MYO1B: variants seen among roughly 807,000 people sequenced by gnomAD.
The protein encoded by MYO1B is unconventional myosin-Ib.
In MYO1B, 72 loss-of-function variants were observed where a neutral mutation model predicts 159.7. The observed-to-expected ratio is 0.45, with a 90% CI of 0.37 to 0.55. MYO1B has a LOEUF of 0.55. Ranked by LOEUF, MYO1B falls within the 20% of genes least tolerant of loss-of-function variation. MYO1B has a pLI of 0.00. For synonymous variants in MYO1B, 468 were observed against 473.8 expected, an observed-to-expected ratio of 0.99 and a Z score of 0.16; for missense variants, 1,062 against 1,364.8, an observed-to-expected ratio of 0.78 and a Z score of 3.50.
rs115073525 is a variant in MYO1B at position 191,400,458 on chromosome 2, A to T, written c.2372A>T (p.His791Leu). 6.2e-7 allele frequency: 1 copy of T among 1,614,060 alleles called. No homozygotes were observed. The highest frequency in any genetic ancestry group is 1.7e-5 in the Admixed American group (1 of 60,010). The change falls in exon 22 of 31, where the codon CAT (histidine) becomes CTT (leucine). Residue 791 changes from histidine (H) to leucine (L), a missense_variant. Physicochemically the swap from His to Leu is moderately conservative, Grantham distance 99 (BLOSUM62 -3). This residue lies in a region of MYO1B where 609 missense variants were observed against 744.4 expected (regional missense o/e 0.82). Coordinates refer to ENST00000392318, the MANE Select transcript of MYO1B (RefSeq NM_001130158.3). ...GTCACGACCATTGCTGCATATTGGC[A>T]TGGGACCCAGGTAGGCCCGAGACCC... ...EAVTTIAAYW[H>L]GTQARRELRR...
intron 17 of MYO1B, among the ~76,000 whole-genome samples, chr2:191,388,494 G>C (rs1282568063): frequency 1.3e-5 from 2 of 152,130 alleles, no homozygotes; most frequent in South Asian, 2.1e-4. Context: ...AGTTGTCTTT[G>C]AAAATGCAGT....
At chr2:191,421,715 A>ACC (rs1439673994) in intron 30 of MYO1B, among the ~76,000 whole-genome samples, 1 of 152,156 alleles carries the variant, frequency 6.6e-6, no homozygotes, top group Non-Finnish European at 1.5e-5. Context: ...GCCTCAAGTT[A>ACC]CCTGCCTGCC....
Position 191,276,901 on chromosome 2 carries a change from CAAAATGGAGGTG to C in MYO1B, c.11_22del (p.Met4_Lys7del). ...CTCTTCTGCAGCTGGAGACCATGGCCAAAATGGAGGTGAAAACCTCACTTCTGGACAATATGA... is the reference window on the plus strand; with the variant it reads ...CTCTTCTGCAGCTGGAGACCATGGCCAAAACCTCACTTCTGGACAATATGA... On this transcript the variant is annotated inframe_deletion, in exon 2 of 31. Coordinates refer to ENST00000392318, the MANE Select transcript of MYO1B (RefSeq NM_001130158.3). 1 of 1,605,290 alleles carries C rather than the reference CAAAATGGAGGTG, an allele frequency of 6.2e-7. No individual in the cohort carries two copies. Among genetic ancestry groups the C allele is most frequent in the Admixed American group, 1.8e-5 (1 of 57,050 alleles).
rs1054549814 is a variant in MYO1B at position 191,300,154 on chromosome 2, CAA to C, written c.251+3930_251+3931del. Among the ~76,000 whole-genome samples, 11 of 152,248 alleles carry C rather than the reference CAA, an allele frequency of 7.2e-5. 1 individual carries two copies. Among genetic ancestry groups the C allele is most frequent in the Admixed American group, 2.0e-4 (3 of 15,294 alleles). ...CCCTACTAAAACAGCCTGGCATTCT[CAA>C]ACAGGATGTTTGTGATGTAAGGGGG... is the stretch of plus-strand genomic sequence containing the variant. On this transcript the variant is annotated intron_variant, in intron 3 of 30. Coordinates refer to ENST00000392318, the MANE Select transcript of MYO1B (RefSeq NM_001130158.3).
chr2:191,315,804 C>A (rs971081111), intron 3 of MYO1B, among the ~76,000 whole-genome samples: 1 of 152,112 alleles, frequency 6.6e-6, no homozygotes, highest in Non-Finnish European at 1.5e-5. Flanking sequence ...TTAGGAAAAG[C>A]GAATCTATAA....
At chr2:191,290,824 TTTC>T (rs1212652521) in intron 2 of MYO1B, among the ~76,000 whole-genome samples, 8 of 152,164 alleles carry the variant, frequency 5.3e-5, no homozygotes, top group African/African-American at 1.9e-4. Flanking sequence ...TAGAAGGACT[TTTC>T]TTTTGTTTCA....
chr2:191,363,685 A>G (rs374294017), intron 9 of MYO1B, 43 bp from the exon 10 acceptor site: 1 of 1,560,950 alleles, frequency 6.4e-7, no homozygotes, highest in South Asian at 1.2e-5. Flanking sequence ...AAAAGAAAAT[A>G]ACTATAAGAA....
intron 1 of MYO1B, among the ~76,000 whole-genome samples, chr2:191,255,510 G>A (rs1686385412): frequency 6.6e-6 from 1 of 152,112 alleles, no homozygotes; most frequent in African/African-American, 2.4e-5. Flanking sequence ...GAACTTTGTA[G>A]GCAATAAAAA....
intron 6 of MYO1B, 45 bp downstream of exon 6, chr2:191,346,327 C>T: frequency 7.4e-7 from 1 of 1,350,310 alleles, no homozygotes; most frequent in Non-Finnish European, 9.9e-7. Context: ...ATATTTAGCT[C>T]ATGTATGTTT....
chr2:191,289,872 TAGA>T (rs904849392), intron 2 of MYO1B, among the ~76,000 whole-genome samples: 25 of 152,236 alleles, frequency 1.6e-4, no homozygotes, highest in African/African-American at 5.3e-4. Flanking sequence ...TCTGACTTTT[TAGA>T]AGAAGTTTTA....
rs1415715241 is a variant in MYO1B, at chr2:191,380,009, G to T, written c.1186-1453G>T. 2.0e-5 allele frequency among the ~76,000 whole-genome samples: 3 copies of T among 152,136 alleles called. No homozygotes were observed. The East Asian group carries it at 5.8e-4, about 29-fold the overall frequency. On this transcript the variant is annotated intron_variant, in intron 13 of 30. Coordinates refer to ENST00000392318, the MANE Select transcript of MYO1B (RefSeq NM_001130158.3). ...ATTGAAAATAAATGTTTGCCTTTTAGTAAGACTCTTCAAGACATAAAACAA... is the reference window on the plus strand; with the variant it reads ...ATTGAAAATAAATGTTTGCCTTTTATTAAGACTCTTCAAGACATAAAACAA...
chr2:191,351,959 G>A (rs532474915), intron 7 of MYO1B, among the ~76,000 whole-genome samples: 116 of 152,290 alleles, frequency 7.6e-4, no homozygotes, highest in African/African-American at 2.7e-3. Flanking sequence ...CATGTGTTCG[G>A]ATTGTCCATA....
At position 191,356,744 on chromosome 2, in the gene MYO1B, C is replaced by A. The variant is rs531514179; in HGVS notation, c.563-3887C>A. Among the ~76,000 whole-genome samples, 84 of 152,252 alleles carry A rather than the reference C, an allele frequency of 5.5e-4. 4 individuals are homozygous for A. In the South Asian group the frequency reaches 0.017, roughly 30 times the overall value. On this transcript the variant is annotated intron_variant, in intron 7 of 30. Coordinates refer to ENST00000392318, the MANE Select transcript of MYO1B (RefSeq NM_001130158.3). ...CATTAATTTTATTTCAGGATTGGGT[C>A]TAGAATTTTAGATTCAGATACATTC...
At chr2:191,314,273 A>G (rs1330124936) in intron 3 of MYO1B, among the ~76,000 whole-genome samples, 2 of 152,156 alleles carry the variant, frequency 1.3e-5, no homozygotes, top group African/African-American at 4.8e-5. Context: ...TTTCTTTCAC[A>G]CTATTGTTCA....
chr2:191,354,084 C>T (rs1693103126), intron 7 of MYO1B, among the ~76,000 whole-genome samples: 1 of 151,854 alleles, frequency 6.6e-6, no homozygotes, highest in Non-Finnish European at 1.5e-5. Flanking sequence ...GGTGAAACCC[C>T]GTCTCTCCTA....
intron 3 of MYO1B, among the ~76,000 whole-genome samples, chr2:191,305,843 A>T (rs1053831103): frequency 9.2e-5 from 14 of 152,130 alleles, no homozygotes; most frequent in African/African-American, 3.4e-4. Context: ...AGGAGATGGG[A>T]TGGAGGACCC....
At position 191,410,986 on chromosome 2, in the gene MYO1B, A is replaced by G. The variant is rs371025645; in HGVS notation, c.2767-80A>G. ...TCTCCCTTATTCTTGTTGCTGATAAATTGTCTTAGCATATTTAAGAATGAG... is the reference window on the plus strand; with the variant it reads ...TCTCCCTTATTCTTGTTGCTGATAAGTTGTCTTAGCATATTTAAGAATGAG... On this transcript the variant is annotated intron_variant, in intron 26 of 30. Coordinates refer to ENST00000392318, the MANE Select transcript of MYO1B (RefSeq NM_001130158.3). The G allele has an allele frequency of 6.5e-5, 50 of 772,102 alleles. 1 individual carries two copies. Among genetic ancestry groups the G allele is most frequent in the Non-Finnish European group, 7.7e-5 (38 of 496,140 alleles). 47.8% of individuals were successfully genotyped at this position (772,102 alleles called of 1,614,324 possible).
chr2:191,303,450 A>G (rs1187797368), intron 3 of MYO1B, among the ~76,000 whole-genome samples: 1 of 152,216 alleles, frequency 6.6e-6, no homozygotes, highest in Non-Finnish European at 1.5e-5. Context: ...AAAGGGTTTT[A>G]TGCTTTCCCA....
At chr2:191,338,797 A>T (rs1017999357) in intron 4 of MYO1B, among the ~76,000 whole-genome samples, 2 of 152,184 alleles carry the variant, frequency 1.3e-5, no homozygotes, top group African/African-American at 4.8e-5. Context: ...AAAGAGCCTG[A>T]CCTAAACTTT....
Sources: gnomAD v4.1 joint callset for allele counts (sites outside exome capture counted in the v4.1 genomes callset) on GRCh38, gnomAD v4.1.1 for gene constraint, gnomAD v4.1.1 regional missense constraint, MANE v1.5 for transcripts, NCBI Gene and HGNC (gene_info 2026-07-23, HGNC 2026-07-21) for gene names.